The following F10 variants were observed in gnomAD, a reference collection of about 807,000 sequenced individuals.
F10 encodes coagulation factor X.
Under a neutral mutation model 37.1 loss-of-function variants are expected in F10, and 29 were observed. The observed-to-expected ratio is 0.78, with a 90% confidence interval of 0.58 to 1.07. The LOEUF (loss-of-function observed/expected upper bound fraction) is 1.07. Ranked by LOEUF, F10 falls within the 50% of genes least tolerant of loss-of-function variation. The pLI, the probability that F10 is intolerant of heterozygous loss-of-function variation, is 0.00. For missense variants in F10, 539 were observed against 667.9 expected, an observed-to-expected ratio of 0.81 and a Z score of 2.13; for synonymous variants, 262 against 268.6, an observed-to-expected ratio of 0.98 and a Z score of 0.24.
At position 113,145,986 on chromosome 13, in the gene F10, G is replaced by A. The variant is rs9577467; in HGVS notation, c.748-1393G>A. On this transcript the variant is annotated intron_variant, in intron 6 of 7. Coordinates refer to ENST00000375559, the MANE Select transcript of F10 (RefSeq NM_000504.4). ...CCTCACTTGGACTTGAATTTTCAGC[G>A]CCCAAAACCAGAATGTCCTCTCCTA... 6.4e-4 allele frequency among the ~76,000 whole-genome samples: 97 copies of A among 152,228 alleles called. No individual in the cohort carries two copies. The East Asian group carries it at 0.012, about 18-fold the overall frequency.
chr13:113,142,175 A>G (rs1292415098), intron 5 of F10, among the ~76,000 whole-genome samples: 1 of 152,216 alleles, frequency 6.6e-6, no homozygotes, highest in East Asian at 1.9e-4. Flanking sequence ...GTTAAAAAAT[A>G]TTTTAACTGA....
chr13:113,129,785 G>A (rs1238639406), intron 2 of F10, among the ~76,000 whole-genome samples, 173 bp downstream of exon 2: 1 of 152,240 alleles, frequency 6.6e-6, no homozygotes, highest in Non-Finnish European at 1.5e-5. Context: ...CTGCCCACAG[G>A]GACATCAGTG....
chr13:113,122,912 G>T lies in F10; in HGVS notation c.57G>T (p.Leu19=). 2 of 1,610,154 alleles carry T rather than the reference G, an allele frequency of 1.2e-6. No individual in the cohort carries two copies. The highest frequency in any genetic ancestry group is 1.7e-6 in the Non-Finnish European group (2 of 1,180,010). The change falls in exon 1 of 8, where the codon CTG becomes CTT. Residue 19 remains leucine (L), a synonymous_variant. Coordinates refer to ENST00000375559, the MANE Select transcript of F10 (RefSeq NM_000504.4). ...GTGCCTCCCTGGCTGGCCTCCTGCT[G>T]CTCGGGGAAAGTCGTAAGTGCCCCT... ...LLSASLAGLL[L]LGESLFIRRE...
intron 6 of F10, among the ~76,000 whole-genome samples, chr13:113,145,705 C>G (rs370577036): frequency 6.6e-6 from 1 of 152,162 alleles, no homozygotes; most frequent in Admixed American, 6.5e-5. Context: ...GCGCAAGGCA[C>G]GTCTTACATG....
chr13:113,145,099 C>T (rs758037016), intron 6 of F10, among the ~76,000 whole-genome samples: 1 of 152,208 alleles, frequency 6.6e-6, no homozygotes, highest in Non-Finnish European at 1.5e-5. Context: ...CCAGGATGGT[C>T]TCCATCTCCT....
intron 1 of F10, 98 bp downstream of exon 1, chr13:113,123,023 G>C: frequency 2.9e-6 from 4 of 1,388,302 alleles, no homozygotes; most frequent in Non-Finnish European, 3.0e-6. Context: ...CTGGACGGTG[G>C]GTGCCTTGAG....
At chr13:113,137,684 G>A (rs2036491744) in intron 2 of F10, among the ~76,000 whole-genome samples, 2 of 152,192 alleles carry the variant, frequency 1.3e-5, no homozygotes, top group African/African-American at 2.4e-5. Flanking sequence ...CTCTCTGCTC[G>A]CTTCCAGGAG....
chr13:113,139,493 C>A lies in F10; in HGVS notation c.370+23C>A. ...TATGTAGGTTCCTCTGCTTGGTATACCTTCAGATCAGATGCCCCTGAAGAG... is the reference window on the plus strand; with the variant it reads ...TATGTAGGTTCCTCTGCTTGGTATAACTTCAGATCAGATGCCCCTGAAGAG... On this transcript the variant is annotated intron_variant, in intron 4 of 7. Transcript: ENST00000375559. This position sits in a 1 kb window ranked among gnomAD's most constrained non-coding sequence, Gnocchi z 5.2. The A allele has an allele frequency of 1.3e-6, 2 of 1,580,986 alleles. No individual in the cohort carries two copies. The highest frequency in any genetic ancestry group is 1.7e-6 in the Non-Finnish European group (2 of 1,150,138).
rs1366354349 is a variant in F10, at chr13:113,148,966, G to A, written c.916G>A (p.Glu306Lys). The A allele has an allele frequency of 3.1e-6, 5 of 1,613,522 alleles. No individual in the cohort carries two copies. Among genetic ancestry groups the A allele is most frequent in the Middle Eastern group, 1.6e-4 (1 of 6,062 alleles). ...EEGGEAVHEV[E>K]VVIKHNRFTK... ...GGGCGGTGAGGCGGTGCACGAGGTG[G>A]AGGTGGTCATCAAGCACAACCGGTT... is the stretch of plus-strand genomic sequence containing the variant. The change falls in exon 8 of 8, where the codon GAG becomes AAG. Residue 306 changes from glutamate to lysine, a missense_variant. Around this residue, in one of 2 missense-constraint regions of F10, gnomAD observed 409 missense variants for 547.9 expected, o/e 0.75. Transcript: ENST00000375559.
chr13:113,147,067 G>GA (rs1474924356), intron 6 of F10, among the ~76,000 whole-genome samples: 1 of 152,246 alleles, frequency 6.6e-6, no homozygotes, highest in East Asian at 1.9e-4. Flanking sequence ...TCCTGCCACA[G>GA]AGACGGGAAA....
chr13:113,122,818 G>A lies in F10; in HGVS notation c.-38G>A, dbSNP rs200661303. On this transcript the variant is annotated 5_prime_UTR_variant, in exon 1 of 8. Transcript: ENST00000375559. The stretch of plus-strand genomic sequence containing the variant: ...GGCGTGGACTTTGCTCCAGCAGCCT[G>A]TCCCAGTGAGGACAGGGACACAGTA... 1.5e-4 allele frequency: 235 copies of A among 1,605,740 alleles called. No homozygotes were observed. The highest frequency in any genetic ancestry group is 1.8e-4 in the Non-Finnish European group (217 of 1,179,200).
chr13:113,124,048 G>A (rs2036346888), intron 1 of F10, among the ~76,000 whole-genome samples: 1 of 152,226 alleles, frequency 6.6e-6, no homozygotes, highest in Admixed American at 6.5e-5. Flanking sequence ...ATCATCGACA[G>A]CAAAGCTACT....
At position 113,144,169 on chromosome 13, in the gene F10, T is replaced by C. The variant is rs752315864; in HGVS notation, c.747+74T>C. On this transcript the variant is annotated intron_variant, in intron 6 of 7. Transcript: ENST00000375559. The surrounding 1 kb of genome is among the most constrained non-coding windows in gnomAD (Gnocchi z 6.4). Reference sequence around the variant, plus strand: ...GCTGTGCACCTCGGGGAGGCCAGCCTGACACTTGGAATAGCAATCCGGGAA... The same window carrying C: ...GCTGTGCACCTCGGGGAGGCCAGCCCGACACTTGGAATAGCAATCCGGGAA... 90 of 1,602,044 alleles carry C rather than the reference T, an allele frequency of 5.6e-5. No individual in the cohort carries two copies. Among genetic ancestry groups the C allele is most frequent in the Non-Finnish European group, 7.2e-5 (85 of 1,174,910 alleles).
intron 2 of F10, among the ~76,000 whole-genome samples, chr13:113,134,737 T>C (rs554860005): frequency 6.6e-6 from 1 of 152,362 alleles, no homozygotes; most frequent in South Asian, 2.1e-4. Context: ...TTTTATGTAA[T>C]AGCAATGCAC....
In F10 at chr13:113,141,653, C is replaced by T. The variant is rs188000640; in HGVS notation, c.502+603C>T. ...CAGGGTGGGGACGAGCCTCCCTGTC[C>T]TGACCCCGTGGGCATTGCCTACGCT... On this transcript the variant is annotated intron_variant, in intron 5 of 7. Transcript: ENST00000375559. The surrounding 1 kb of genome is among the most constrained non-coding windows in gnomAD (Gnocchi z 5.4). Among the ~76,000 whole-genome samples, 10 of 152,332 alleles carry T rather than the reference C, an allele frequency of 6.6e-5. No individual in the cohort carries two copies. Among genetic ancestry groups the T allele is most frequent in the African/African-American group, 1.9e-4 (8 of 41,582 alleles).
Position 113,139,510 on chromosome 13 carries a change from C to T in F10, c.370+40C>T. 1.4e-6 allele frequency: 2 copies of T among 1,472,818 alleles called. No individual in the cohort carries two copies. Among genetic ancestry groups the T allele is most frequent in the Non-Finnish European group, 1.9e-6 (2 of 1,051,910 alleles). The allele number at this position is 1,472,818 out of a possible 1,614,324, so 91.2% of individuals were successfully genotyped here. A position where few individuals can be genotyped will look rare whatever the true frequency, so the allele number is the denominator to read the frequency against. On this transcript the variant is annotated intron_variant, in intron 4 of 7. Coordinates refer to ENST00000375559, the MANE Select transcript of F10 (RefSeq NM_000504.4). This position sits in a 1 kb window ranked among gnomAD's most constrained non-coding sequence, Gnocchi z 5.2. Reference sequence around the variant, plus strand: ...TTGGTATACCTTCAGATCAGATGCCCCTGAAGAGTGGCAGGTGGGCGGGGG... The same window carrying T: ...TTGGTATACCTTCAGATCAGATGCCTCTGAAGAGTGGCAGGTGGGCGGGGG...
At chr13:113,128,387 CTGAT>C (rs2036390360) in intron 1 of F10, 1 of 152,146 alleles carries the variant, frequency 6.6e-6, no homozygotes, top group South Asian at 2.1e-4. Context: ...CAAAGATATT[CTGAT>C]TGGCAATCAG....
intron 1 of F10, among the ~76,000 whole-genome samples, chr13:113,126,843 A>C (rs1006536001): frequency 1.3e-5 from 2 of 152,196 alleles, no homozygotes; most frequent in African/African-American, 4.8e-5. Context: ...AGAGGCCCCA[A>C]GGGAGATGGG....
intron 6 of F10, among the ~76,000 whole-genome samples, chr13:113,145,638 G>A (rs1486005519): frequency 1.3e-5 from 2 of 152,176 alleles, no homozygotes; most frequent in Non-Finnish European, 2.9e-5. Context: ...AAGAAAAAGA[G>A]GTTGAATGAA....
Sources: gnomAD v4.1 joint callset for allele counts (sites outside exome capture counted in the v4.1 genomes callset) on GRCh38, gnomAD v4.1.1 for gene constraint, gnomAD v4.1.1 regional missense constraint, Gnocchi (gnomAD v3.1) non-coding constraint, MANE v1.5 for transcripts, NCBI Gene and HGNC (gene_info 2026-07-23, HGNC 2026-07-21) for gene names.